Variants in GFRAL observed in about 807,000 individuals in gnomAD.
The protein encoded by GFRAL is GDNF family receptor alpha like, also known as GDNF family receptor alpha-like.
A neutral mutation model predicts 45.4 loss-of-function variants in GFRAL; 36 were observed. That is an observed-to-expected ratio of 0.79 (90% CI 0.61 to 1.05). The LOEUF is 1.05. GFRAL is among the 50% of genes least tolerant of loss of function. GFRAL has a pLI of 0.00. For missense variants in GFRAL, 507 were observed against 467.5 expected (o/e 1.08, Z -0.78); for synonymous variants, 166 against 154.1 (o/e 1.08, Z -0.57).
intron 6 of GFRAL, among the ~76,000 whole-genome samples, chr6:55,380,882 A>G (rs930500800): frequency 1.3e-5 from 2 of 151,992 alleles, no homozygotes; most frequent in Non-Finnish European, 2.9e-5. Context: ...TTCTCTATTT[A>G]GAGCCTCAAT....
chr6:55,341,007 G>A (rs114867706), intron 3 of GFRAL, among the ~76,000 whole-genome samples: 3,687 of 152,298 alleles, frequency 0.024, 116 homozygotes, highest in South Asian at 0.073. Flanking sequence ...GGCTTGAGAA[G>A]GTAGACAAAG....
At chr6:55,397,799 A>G (rs1768846745) in intron 6 of GFRAL, among the ~76,000 whole-genome samples, 1 of 152,202 alleles carries the variant, frequency 6.6e-6, no homozygotes. Context: ...AACATTTGCT[A>G]ATAAAGTCAT....
chr6:55,380,612 C>G (rs116105023), intron 6 of GFRAL, among the ~76,000 whole-genome samples: 1 of 151,894 alleles, frequency 6.6e-6, no homozygotes, highest in Admixed American at 6.6e-5. Flanking sequence ...GGTCCCAGAT[C>G]CTCTTTTCAC....
At chr6:55,384,364 A>G (rs1393043399) in intron 6 of GFRAL, among the ~76,000 whole-genome samples, 2 of 152,118 alleles carry the variant, frequency 1.3e-5, no homozygotes, top group African/African-American at 2.4e-5. Context: ...TTAATTAAAA[A>G]TAAACTATTA....
intron 6 of GFRAL, among the ~76,000 whole-genome samples, chr6:55,363,434 C>T (rs1279128004): frequency 6.8e-6 from 1 of 147,238 alleles, no homozygotes; most frequent in African/African-American, 2.5e-5. Flanking sequence ...TAGCTTAATT[C>T]TTTTTTTTTT....
Position 55,336,104 on chromosome 6 carries a change from C to A in GFRAL, c.316+2160C>A, listed in dbSNP as rs192598579. Among the ~76,000 whole-genome samples, 9 of 152,170 alleles carry A rather than the reference C, an allele frequency of 5.9e-5. No homozygotes were observed. In the East Asian group the frequency reaches 1.7e-3, roughly 29 times the overall value. ...GGATTACAGGCATGTGCCACCACAC[C>A]AGCTAAGTTTTGTATTTTTAGTAGA... On this transcript the variant is annotated intron_variant, in intron 3 of 8. Coordinates refer to ENST00000340465, the MANE Select transcript of GFRAL (RefSeq NM_207410.2).
chr6:55,370,500 C>T (rs1768436160), intron 6 of GFRAL, among the ~76,000 whole-genome samples: 1 of 152,054 alleles, frequency 6.6e-6, no homozygotes, highest in Non-Finnish European at 1.5e-5. Flanking sequence ...TCTATTTATT[C>T]TATAGCTGGC....
At chr6:55,347,609 T>C (rs1250926167) in intron 3 of GFRAL, among the ~76,000 whole-genome samples, 1 of 152,112 alleles carries the variant, frequency 6.6e-6, no homozygotes, top group Non-Finnish European at 1.5e-5. Context: ...TTTATAAGGA[T>C]GAATAATTAA....
chr6:55,341,648 C>G (rs1014790684), intron 3 of GFRAL, among the ~76,000 whole-genome samples: 1 of 152,158 alleles, frequency 6.6e-6, no homozygotes, highest in Non-Finnish European at 1.5e-5. Context: ...AACACCTCGC[C>G]AGCAATGGAA....
intron 5 of GFRAL, among the ~76,000 whole-genome samples, chr6:55,357,773 G>C (rs1292017071): frequency 6.6e-6 from 1 of 151,506 alleles, no homozygotes; most frequent in African/African-American, 2.4e-5. Context: ...TGTTTTTCCT[G>C]AGTGAAAATT....
intron 6 of GFRAL, among the ~76,000 whole-genome samples, chr6:55,375,440 A>T (rs762337442): frequency 2.0e-5 from 3 of 152,054 alleles, no homozygotes; most frequent in South Asian, 4.1e-4. Context: ...TTGTTTGTGT[A>T]TAGGAATGCT....
intron 6 of GFRAL, among the ~76,000 whole-genome samples, chr6:55,363,559 G>A (rs1455225782): frequency 2.8e-5 from 4 of 145,308 alleles, no homozygotes; most frequent in Admixed American, 1.4e-4. Context: ...CTAGCATTAG[G>A]TATATCTCCC....
chr6:55,363,039 G>T (rs1209132372), intron 6 of GFRAL, among the ~76,000 whole-genome samples: 1 of 150,940 alleles, frequency 6.6e-6, no homozygotes, highest in East Asian at 2.0e-4. Flanking sequence ...GACAAAAGAG[G>T]GAAGGTAGAG....
At chr6:55,387,033 A>G (rs573495212) in intron 6 of GFRAL, among the ~76,000 whole-genome samples, 12 of 152,276 alleles carry the variant, frequency 7.9e-5, no homozygotes, top group African/African-American at 2.9e-4. Context: ...GGAAGGGGAA[A>G]AATCCTTCAT....
intron 3 of GFRAL, among the ~76,000 whole-genome samples, chr6:55,346,781 T>G (rs1382579278): frequency 1.3e-5 from 2 of 150,198 alleles, no homozygotes; most frequent in African/African-American, 4.9e-5. Context: ...ACATGTAATT[T>G]TATCTTGGTG....
Position 55,378,735 on chromosome 6 carries a change from C to A in GFRAL, c.952+19597C>A, listed in dbSNP as rs572770690. Among the ~76,000 whole-genome samples, 6 of 151,974 alleles carry A rather than the reference C, an allele frequency of 3.9e-5. No individual in the cohort carries two copies. The South Asian group carries it at 1.0e-3, about 26-fold the overall frequency. On this transcript the variant is annotated intron_variant, in intron 6 of 8. Transcript: ENST00000340465. ...TTTGACCAAGCAATTTACCACTGAC[C>A]ATGAGTCTTACTTCTAGCCACTTGT...
chr6:55,381,212 C>A (rs1185654397), intron 6 of GFRAL, among the ~76,000 whole-genome samples: 1 of 151,880 alleles, frequency 6.6e-6, no homozygotes, highest in African/African-American at 2.4e-5. Context: ...TTGTTCCCAA[C>A]TGATTTCCAG....
chr6:55,394,717 G>T lies in GFRAL; in HGVS notation c.953-4463G>T, dbSNP rs545648432. On this transcript the variant is annotated intron_variant, in intron 6 of 8. Transcript: ENST00000340465. Reference sequence around the variant, plus strand: ...AGGGAGAACTAGAGGTAACAAAATGGTTCCTGAGTCGTCAGCTTTTAAGTG... The same window carrying T: ...AGGGAGAACTAGAGGTAACAAAATGTTTCCTGAGTCGTCAGCTTTTAAGTG... 3.9e-4 allele frequency among the ~76,000 whole-genome samples: 59 copies of T among 152,016 alleles called. 1 individual carries two copies. The highest frequency in any genetic ancestry group is 7.7e-4 in the Non-Finnish European group (52 of 67,958).
At chr6:55,360,231 C>T (rs942535469) in intron 6 of GFRAL, among the ~76,000 whole-genome samples, 9 of 151,852 alleles carry the variant, frequency 5.9e-5, no homozygotes, top group East Asian at 5.8e-4. Context: ...ATGCAACCTT[C>T]GACGTCCCCA....
Sources: allele counts gnomAD v4.1 joint callset (sites outside exome capture counted in the v4.1 genomes callset), GRCh38; gene constraint gnomAD v4.1.1; transcripts MANE v1.5; gene names NCBI Gene and HGNC (gene_info 2026-07-23, HGNC 2026-07-21).